Variants in PPP1R13B observed in about 807,000 individuals in gnomAD.
The protein encoded by PPP1R13B is apoptosis-stimulating of p53 protein 1.
Under a neutral mutation model 119.8 loss-of-function variants are expected in PPP1R13B, and 44 were observed. The ratio of observed to expected loss-of-function variants is 0.37; its 90% CI spans 0.29 to 0.47. PPP1R13B has a LOEUF of 0.47. PPP1R13B is among the 20% of genes least tolerant of loss of function. The pLI is 0.99. For missense variants in PPP1R13B, 1,227 were observed against 1,413.5 expected (o/e 0.87, Z 2.12); for synonymous variants, 542 against 561.5 (o/e 0.97, Z 0.49).
intron 2 of PPP1R13B, among the ~76,000 whole-genome samples, chr14:103,797,097 CA>C (rs34404212): frequency 0.075 from 8,257 of 109,374 alleles, 247 homozygotes; most frequent in Middle Eastern, 0.17. Context: ...GATACTGTCT[CA>C]AAAAAAAAAA....
chr14:103,769,901 C>T (rs1278984164), intron 4 of PPP1R13B, among the ~76,000 whole-genome samples: 1 of 152,188 alleles, frequency 6.6e-6, no homozygotes, highest in Non-Finnish European at 1.5e-5. Context: ...GCCTCTCTAA[C>T]ATCTCATTAA....
At chr14:103,808,330 T>C (rs1451179187) in intron 1 of PPP1R13B, among the ~76,000 whole-genome samples, 1 of 151,926 alleles carries the variant, frequency 6.6e-6, no homozygotes, top group East Asian at 1.9e-4. Flanking sequence ...AGAGAAACAA[T>C]GGATGTCCCT....
intron 1 of PPP1R13B, among the ~76,000 whole-genome samples, chr14:103,836,639 A>T (rs2086785800): frequency 6.6e-6 from 1 of 151,884 alleles, no homozygotes; most frequent in Non-Finnish European, 1.5e-5. Context: ...GCGTGGTGGC[A>T]CGCACCTGTA....
chr14:103,822,473 G>C (rs1053220142), intron 1 of PPP1R13B, among the ~76,000 whole-genome samples: 6 of 151,962 alleles, frequency 3.9e-5, no homozygotes, highest in Non-Finnish European at 8.8e-5. Flanking sequence ...AGTCTAAAGA[G>C]AAAACACCAA....
At chr14:103,794,596 G>A (rs1373868672) in intron 2 of PPP1R13B, 2 of 442,206 alleles carry the variant, frequency 4.5e-6, no homozygotes, top group Admixed American at 2.5e-5. Context: ...CCAAAGTGTT[G>A]AGATTACAAG....
At position 103,738,575 on chromosome 14, in the gene PPP1R13B, C is replaced by G. The variant is rs2084170413; in HGVS notation, c.2864+104G>C. ...GGATGAAATGATGGGTGTTCTTGCT[C>G]TAATTCTCTCTTCCGTGCTTCCTAA... On this transcript the variant is annotated intron_variant, in intron 14 of 16. Coordinates refer to ENST00000202556, the MANE Select transcript of PPP1R13B (RefSeq NM_015316.3). This position sits in a 1 kb window ranked among gnomAD's most constrained non-coding sequence, Gnocchi z 5.6. 6.6e-7 allele frequency: 1 copy of G among 1,517,510 alleles called. No individual in the cohort carries two copies. Among genetic ancestry groups the G allele is most frequent in the African/African-American group, 1.4e-5 (1 of 72,872 alleles). The allele number at this position is 1,517,510 out of a possible 1,614,324, so 94.0% of individuals were successfully genotyped here. A position where few individuals can be genotyped will look rare whatever the true frequency, so the allele number is the denominator to read the frequency against.
chr14:103,818,113 C>T (rs960801595), intron 1 of PPP1R13B, among the ~76,000 whole-genome samples: 77 of 152,228 alleles, frequency 5.1e-4, no homozygotes, highest in African/African-American at 1.7e-3. Context: ...AGTAGATATT[C>T]ATCGTAAAAT....
At chr14:103,816,480 A>G (rs1392368566) in intron 1 of PPP1R13B, among the ~76,000 whole-genome samples, 2 of 149,422 alleles carry the variant, frequency 1.3e-5, no homozygotes, top group African/African-American at 4.9e-5. Context: ...TGAGGTCGGG[A>G]GTTCGAAACC....
intron 1 of PPP1R13B, among the ~76,000 whole-genome samples, chr14:103,843,639 C>A (rs2086958724): frequency 6.6e-6 from 1 of 152,136 alleles, no homozygotes; most frequent in Non-Finnish European, 1.5e-5. Flanking sequence ...AGGGAAAATT[C>A]CAAAATATAA....
Position 103,734,998 on chromosome 14 carries a change from A to C in PPP1R13B, c.*156T>G. The stretch of plus-strand genomic sequence containing the variant: ...ATGGGCAAACTGGAGAAAGGGCCTC[A>C]CCTGGAAACTGTAGGATTCACATTG... On this transcript the variant is annotated 3_prime_UTR_variant, in exon 17 of 17. Transcript: ENST00000202556. The C allele has an allele frequency of 1.2e-6, 1 of 851,450 alleles. No individual in the cohort carries two copies. The highest frequency in any genetic ancestry group is 1.9e-6 in the Non-Finnish European group (1 of 513,334). 52.7% of individuals were successfully genotyped at this position (851,450 alleles called of 1,614,324 possible).
intron 1 of PPP1R13B, chr14:103,847,082 G>C: frequency 2.0e-6 from 2 of 994,498 alleles, no homozygotes; most frequent in Non-Finnish European, 2.4e-6. Flanking sequence ...GAGCAGGAAG[G>C]GCCCGCAGGC....
intron 4 of PPP1R13B, among the ~76,000 whole-genome samples, chr14:103,764,666 CT>C (rs1479837800): frequency 6.6e-6 from 1 of 151,818 alleles, no homozygotes; most frequent in Non-Finnish European, 1.5e-5. Flanking sequence ...TTAAACATTT[CT>C]TTTGAGCTTT....
intron 1 of PPP1R13B, among the ~76,000 whole-genome samples, chr14:103,842,472 T>C (rs183298120): frequency 6.6e-6 from 1 of 151,716 alleles, no homozygotes; most frequent in African/African-American, 2.4e-5. Context: ...CTGGCTAATT[T>C]TTGTATTTTT....
intron 4 of PPP1R13B, chr14:103,762,996 G>A (rs181604657): frequency 8.3e-5 from 119 of 1,433,238 alleles, no homozygotes; most frequent in Non-Finnish European, 5.7e-5. Context: ...AAAGACAAAC[G>A]GCAAAATTCT....
chr14:103,756,790 G>C (rs542270945), intron 5 of PPP1R13B, among the ~76,000 whole-genome samples: 1 of 151,676 alleles, frequency 6.6e-6, no homozygotes, highest in South Asian at 2.1e-4. Context: ...ATGGAGTCTC[G>C]CTCTGTTGCT....
intron 4 of PPP1R13B, 112 bp downstream of exon 4, chr14:103,778,633 T>C (rs1254892185): frequency 2.5e-6 from 2 of 805,218 alleles, no homozygotes; most frequent in African/African-American, 3.4e-5. Context: ...CTCAAACTCC[T>C]GCCCTCATGT....
At chr14:103,810,927 A>G (rs1328569428) in intron 1 of PPP1R13B, among the ~76,000 whole-genome samples, 1 of 66,478 alleles carries the variant, frequency 1.5e-5, no homozygotes, top group African/African-American at 4.5e-5. Flanking sequence ...CGTCTCTACT[A>G]AAAAAAAAAA....
Position 103,738,918 on chromosome 14 carries a change from C to G in PPP1R13B, c.2698G>C (p.Glu900Gln), listed in dbSNP as rs1394591273. 6.2e-7 allele frequency: 1 copy of G among 1,613,984 alleles called. No individual in the cohort carries two copies. Among genetic ancestry groups the G allele is most frequent in the Non-Finnish European group, 8.5e-7 (1 of 1,180,012 alleles). The change falls in exon 13 of 17, where the codon GAG becomes CAG. Residue 900 changes from glutamate (E) to glutamine (Q), a missense_variant. By Grantham distance (29) the Glu-to-Gln change is conservative. Coordinates refer to ENST00000202556, the MANE Select transcript of PPP1R13B (RefSeq NM_015316.3). The surrounding 1 kb of genome is among the most constrained non-coding windows in gnomAD (Gnocchi z 5.6). ...ALLLDASLEG[E>Q]FDLVQRIIYE... ...ATGATCCTCTGCACCAGATCGAACT[C>G]TCCTTCCAGAGACGCGTCTAGGAGC...
At chr14:103,805,737 CT>C (rs1326642876) in intron 1 of PPP1R13B, among the ~76,000 whole-genome samples, 2 of 152,158 alleles carry the variant, frequency 1.3e-5, no homozygotes, top group African/African-American at 2.4e-5. Context: ...CATGGATGAA[CT>C]TTGAAAATAC....
Sources: gnomAD v4.1 joint callset for allele counts (sites outside exome capture counted in the v4.1 genomes callset) on GRCh38, gnomAD v4.1.1 for gene constraint, Gnocchi (gnomAD v3.1) non-coding constraint, MANE v1.5 for transcripts, NCBI Gene and HGNC (gene_info 2026-07-23, HGNC 2026-07-21) for gene names.